Variants in DISC1 observed in about 807,000 individuals in gnomAD.
DISC1 encodes the protein disrupted in schizophrenia 1 protein.
Under a neutral mutation model 84.5 loss-of-function variants are expected in DISC1, and 57 were observed. The observed-to-expected ratio is 0.67, with a 90% CI of 0.55 to 0.84. The LOEUF (loss-of-function observed/expected upper bound fraction) is 0.84. Among genes scored for constraint, DISC1 ranks in the 40% least tolerant of loss-of-function variants. DISC1 has a pLI of 0.00. For synonymous variants in DISC1, 411 were observed against 415.2 expected (o/e 0.99, Z 0.12); for missense variants, 1,000 against 1,057.8 (o/e 0.95, Z 0.76).
chr1:231,693,809 T>C lies in DISC1; in HGVS notation c.68-17T>C, dbSNP rs758192299. The C allele has an allele frequency of 6.2e-7, 1 of 1,612,632 alleles. No individual in the cohort carries two copies. The highest frequency in any genetic ancestry group is 8.5e-7 in the Non-Finnish European group (1 of 1,180,024). ...AGATCTGCATGTTTATGGTGCTGTT[T>C]TTTCTTTTCTTCCCAGGCAGCCGGG... On this transcript the variant is annotated splice_polypyrimidine_tract_variant and intron_variant, in intron 1 of 12. Transcript: ENST00000439617.
chr1:231,824,431 T>C (rs16855108), intron 9 of DISC1, among the ~76,000 whole-genome samples: 16,090 of 152,258 alleles, frequency 0.11, 1,064 homozygotes, highest in Non-Finnish European at 0.14. Flanking sequence ...TAATCATTTA[T>C]CTTTGATTTG....
intron 9 of DISC1, among the ~76,000 whole-genome samples, chr1:231,858,376 C>A (rs2084407765): frequency 1.3e-5 from 2 of 152,186 alleles, no homozygotes; most frequent in African/African-American, 4.8e-5. Flanking sequence ...TCATTTGGGG[C>A]TGATTATCAG....
chr1:231,659,495 A>G (rs917771241), intron 1 of DISC1, among the ~76,000 whole-genome samples: 1 of 151,658 alleles, frequency 6.6e-6, no homozygotes, highest in African/African-American at 2.4e-5. Flanking sequence ...TTATGCCCTC[A>G]TCCTGGTTAT....
chr1:231,947,614 A>G (rs1340554620), intron 9 of DISC1, among the ~76,000 whole-genome samples: 1 of 152,238 alleles, frequency 6.6e-6, no homozygotes, highest in Non-Finnish European at 1.5e-5. Flanking sequence ...AATGGGATCT[A>G]ATTAAACTAA....
At chr1:231,657,370 T>C (rs1468692613) in intron 1 of DISC1, among the ~76,000 whole-genome samples, 1 of 152,232 alleles carries the variant, frequency 6.6e-6, no homozygotes, top group Non-Finnish European at 1.5e-5. Flanking sequence ...TATTTGCATT[T>C]CTCTAATGAT....
At chr1:231,921,009 C>T (rs144078615) in intron 9 of DISC1, among the ~76,000 whole-genome samples, 37 of 150,688 alleles carry the variant, frequency 2.5e-4, no homozygotes, top group African/African-American at 6.6e-4. Context: ...TGGGTTCAAG[C>T]GATTCCCCTG....
intron 6 of DISC1, among the ~76,000 whole-genome samples, chr1:231,789,512 G>A (rs186749512): frequency 3.0e-4 from 46 of 152,320 alleles, no homozygotes; most frequent in African/African-American, 1.1e-3. Flanking sequence ...GAGGGTGAAC[G>A]CAGAAGAACT....
At chr1:231,640,545 T>TC (rs2059555556) in intron 1 of DISC1, among the ~76,000 whole-genome samples, 1 of 151,432 alleles carries the variant, frequency 6.6e-6, no homozygotes, top group Non-Finnish European at 1.5e-5. Flanking sequence ...TTTTTTTTTT[T>TC]TGAGACAAGG....
chr1:231,978,816 C>T (rs1319719994), intron 10 of DISC1, among the ~76,000 whole-genome samples: 2 of 152,146 alleles, frequency 1.3e-5, no homozygotes, highest in East Asian at 1.9e-4. Flanking sequence ...CAAAAAAGCC[C>T]GTGTTTCTTT....
chr1:231,767,560 G>A (rs116340438), intron 5 of DISC1, among the ~76,000 whole-genome samples: 2 of 152,180 alleles, frequency 1.3e-5, no homozygotes, highest in African/African-American at 4.8e-5. Context: ...GTCTTCCAAA[G>A]TGCTGGGATT....
intron 1 of DISC1, among the ~76,000 whole-genome samples, chr1:231,650,891 G>A (rs1486094474): frequency 1.3e-5 from 2 of 152,116 alleles, no homozygotes; most frequent in Non-Finnish European, 2.9e-5. Context: ...TGTAGTTCTT[G>A]TGCCATGGTT....
intron 4 of DISC1, among the ~76,000 whole-genome samples, chr1:231,750,894 T>C (rs202004099): frequency 3.9e-5 from 6 of 152,212 alleles, no homozygotes; most frequent in Non-Finnish European, 5.9e-5. Flanking sequence ...CCACTTCCAA[T>C]TGGTCCTGAC....
intron 10 of DISC1, among the ~76,000 whole-genome samples, chr1:231,988,446 C>T (rs189864218): frequency 6.6e-6 from 1 of 152,214 alleles, no homozygotes; most frequent in African/African-American, 2.4e-5. Flanking sequence ...GGACCTAATC[C>T]CCAGTGCAAT....
chr1:231,966,397 T>A (rs1200622128), intron 10 of DISC1, among the ~76,000 whole-genome samples: 1 of 152,258 alleles, frequency 6.6e-6, no homozygotes, highest in East Asian at 1.9e-4. Context: ...TTTTATTTTC[T>A]CAATTATTAC....
chr1:231,937,380 C>A (rs1048747340), intron 9 of DISC1, among the ~76,000 whole-genome samples: 1 of 152,188 alleles, frequency 6.6e-6, no homozygotes, highest in African/African-American at 2.4e-5. Context: ...AATAGATTTT[C>A]CATAGGCATT....
At chr1:231,995,595 G>GT (rs1167491435) in intron 10 of DISC1, among the ~76,000 whole-genome samples, 133 of 152,082 alleles carry the variant, frequency 8.7e-4, no homozygotes, top group African/African-American at 2.9e-3. Flanking sequence ...GCGGTGTTTG[G>GT]TTTTTTGTCC....
At chr1:231,873,364 G>T (rs9432028) in intron 9 of DISC1, among the ~76,000 whole-genome samples, 1 of 152,054 alleles carries the variant, frequency 6.6e-6, no homozygotes, top group Admixed American at 6.5e-5. Flanking sequence ...GAAGCAAAGC[G>T]GACTTCAGCC....
intron 6 of DISC1, among the ~76,000 whole-genome samples, chr1:231,772,694 C>T (rs2076646472): frequency 6.6e-6 from 1 of 152,194 alleles, no homozygotes; most frequent in Non-Finnish European, 1.5e-5. Flanking sequence ...AAATTTCAGT[C>T]TTCTGAAGGC....
rs747725366 is a variant in DISC1, at chr1:231,694,032, G to A, written c.274G>A (p.Gly92Ser). ...CAGACAGTGTGGCCTTGACTCGAGA[G>A]GCCTCTTGGTCCGGAGCCCTGTTTC... ...RARQCGLDSR[G>S]LLVRSPVSKS... Residue 92 changes from glycine (G) to serine (S), a missense_variant, in exon 2 of 13, where the codon GGC (glycine) becomes AGC (serine). Physicochemically the swap from Gly to Ser is moderately conservative, Grantham distance 56. This residue lies in a region of DISC1 where 292 missense variants were observed against 280.2 expected (regional missense o/e 1.04). Coordinates refer to ENST00000439617, the MANE Select transcript of DISC1 (RefSeq NM_018662.3). 78 of 1,614,068 alleles carry A rather than the reference G, an allele frequency of 4.8e-5. 1 individual carries two copies. Among genetic ancestry groups the A allele is most frequent in the Non-Finnish European group, 5.5e-5 (65 of 1,180,034 alleles).
Sources: allele counts gnomAD v4.1 joint callset (sites outside exome capture counted in the v4.1 genomes callset), GRCh38; gene constraint gnomAD v4.1.1; regional missense constraint gnomAD v4.1.1; transcripts MANE v1.5; gene names NCBI Gene and HGNC (gene_info 2026-07-23, HGNC 2026-07-21).